SAMD14: variants seen among roughly 807,000 people sequenced by gnomAD.
SAMD14 encodes sterile alpha motif domain containing 14.
In SAMD14, 27 loss-of-function variants were observed where a neutral mutation model predicts 46.2. The observed-to-expected ratio is 0.58, with a 90% CI of 0.43 to 0.81. SAMD14 has a LOEUF of 0.81. Among genes scored for constraint, SAMD14 ranks in the 30% least tolerant of loss-of-function variants. The probability of loss-of-function intolerance (pLI) is 0.00; values close to 1 mark genes in which losing one functional copy is unlikely to be tolerated. For missense variants in SAMD14, 559 were observed against 582.2 expected (o/e 0.96, Z 0.41); for synonymous variants, 241 against 254.3 (o/e 0.95, Z 0.50).
chr17:50,130,013 G>A lies in SAMD14; in HGVS notation c.-509C>T, dbSNP rs1179981804. The A allele has an allele frequency of 6.6e-6, 1 of 151,858 alleles. No homozygotes were observed. The highest frequency in any genetic ancestry group is 1.5e-5 in the Non-Finnish European group (1 of 67,908). The allele number at this position is 151,858 out of a possible 1,614,324, so 9.4% of individuals were successfully genotyped here. A position where few individuals can be genotyped will look rare whatever the true frequency, so the allele number is the denominator to read the frequency against. ...CTCCGGGGAAGGGGCGTCGGGGTGG[G>A]GGGCGCGTGGCGGAGAAGCCGGGCG... On this transcript the variant is annotated 5_prime_UTR_variant, in exon 1 of 10. Transcript: ENST00000330175. This position sits in a 1 kb window ranked among gnomAD's most constrained non-coding sequence, Gnocchi z 4.1.
chr17:50,114,306 C>T lies in SAMD14; in HGVS notation c.823G>A (p.Glu275Lys), dbSNP rs748701086. 19 of 1,613,888 alleles carry T rather than the reference C, an allele frequency of 1.2e-5. No individual in the cohort carries two copies. Among genetic ancestry groups the T allele is most frequent in the Admixed American group, 8.3e-5 (5 of 59,986 alleles). The change falls in exon 8 of 10, where the codon GAA becomes AAA. Residue 275 changes from glutamate (E) to lysine (K), a missense_variant and splice_region_variant. Transcript: ENST00000330175. ...GFSPKKSASQ[E>K]STLSDDSTPP... ...GTGGAGTCATCACTCAGAGTGGATT[C>T]CTAGACAGAAAAAGGTGCATGCCAC... is the stretch of plus-strand genomic sequence containing the variant.
At chr17:50,124,167 G>A (rs148635141) in intron 2 of SAMD14, 11 of 456,170 alleles carry the variant, frequency 2.4e-5, no homozygotes, top group African/African-American at 4.0e-5. Context: ...CCGGCTTTCC[G>A]CCCCAGTGCA....
chr17:50,118,019 G>A lies in SAMD14; in HGVS notation c.210+142C>T, dbSNP rs1911321464. 1.1e-5 allele frequency: 10 copies of A among 892,292 alleles called. No individual in the cohort carries two copies. The East Asian group carries it at 2.7e-4, about 24-fold the overall frequency. The allele number at this position is 892,292 out of a possible 1,614,324, so 55.3% of individuals were successfully genotyped here. On this transcript the variant is annotated intron_variant, in intron 3 of 9. Coordinates refer to ENST00000330175, the MANE Select transcript of SAMD14 (RefSeq NM_001257359.2). ...GGATTAAATGAGCCAGAAGTGAACT[G>A]CAGCTAACACTTGGCAGCATTACTA...
intron 1 of SAMD14, among the ~76,000 whole-genome samples, chr17:50,128,875 T>A (rs1409612070): frequency 6.6e-6 from 1 of 151,142 alleles, no homozygotes; most frequent in Non-Finnish European, 1.5e-5. Context: ...CCGCTCTAAG[T>A]GACGCCCGAG....
rs1911952113 is a variant in SAMD14 at position 50,129,816 on chromosome 17, G to GTGTGCA, written c.-313_-312insTGCACA. 1 of 151,840 alleles carries GTGTGCA rather than the reference G, an allele frequency of 6.6e-6. No individual in the cohort carries two copies. Among genetic ancestry groups the GTGTGCA allele is most frequent in the East Asian group, 1.9e-4 (1 of 5,206 alleles). The allele number at this position is 151,840 out of a possible 1,614,324, so 9.4% of individuals were successfully genotyped here. On this transcript the variant is annotated 5_prime_UTR_variant, in exon 1 of 10. In the 5' UTR this introduces an upstream ATG that the reference lacks. Coordinates refer to ENST00000330175, the MANE Select transcript of SAMD14 (RefSeq NM_001257359.2). This position sits in a 1 kb window ranked among gnomAD's most constrained non-coding sequence, Gnocchi z 5.6. ...GGGAGGATGCTCCGTGTGTGTGTGC[G>GTGTGCA]TGTGCGTGTGCGTGTGTGTGTGTGT... is the stretch of plus-strand genomic sequence containing the variant.
chr17:50,127,610 A>T (rs1404245292), intron 1 of SAMD14, among the ~76,000 whole-genome samples: 1 of 151,972 alleles, frequency 6.6e-6, no homozygotes, highest in African/African-American at 2.4e-5. Context: ...TCAAAAAAAA[A>T]AACAAAAAAC....
intron 1 of SAMD14, among the ~76,000 whole-genome samples, chr17:50,126,179 C>T (rs774986635): frequency 2.6e-5 from 4 of 152,188 alleles, no homozygotes; most frequent in Non-Finnish European, 4.4e-5. Context: ...TGGCAAGGCA[C>T]TGAGCTAGAT....
chr17:50,110,125 G>A lies in SAMD14; in HGVS notation c.*2768C>T, dbSNP rs1598217357. The A allele has an allele frequency of 3.2e-6, 5 of 1,563,662 alleles. No homozygotes were observed. Among genetic ancestry groups the A allele is most frequent in the East Asian group, 2.3e-5 (1 of 43,392 alleles). On this transcript the variant is annotated 3_prime_UTR_variant, in exon 10 of 10. Transcript: ENST00000330175. ...GCCGCCGTGCATCTGCACCTGAGAG[G>A]ACGGACTGCCGCCTCTGGGTCCCCC...
intron 1 of SAMD14, among the ~76,000 whole-genome samples, chr17:50,127,721 C>T (rs561783537): frequency 6.6e-6 from 1 of 152,288 alleles, no homozygotes; most frequent in East Asian, 1.9e-4. Context: ...ACCCTCCTGC[C>T]ATTCTTGAAC....
chr17:50,115,793 C>CACA lies in SAMD14; in HGVS notation c.662+36_662+37insTGT. ...ACCAGAGCACATGGGGAGCCAGGGG[C>CACA]GGGAGCTGTGGGTGGGCCGCCATGG... On this transcript the variant is annotated intron_variant, in intron 6 of 9. Coordinates refer to ENST00000330175, the MANE Select transcript of SAMD14 (RefSeq NM_001257359.2). The surrounding 1 kb of genome is among the most constrained non-coding windows in gnomAD (Gnocchi z 5.3). 1.2e-6 allele frequency: 2 copies of CACA among 1,612,668 alleles called. No homozygotes were observed. The highest frequency in any genetic ancestry group is 2.2e-5 in the South Asian group (2 of 91,068).
At chr17:50,123,386 G>A (rs1911594045) in intron 2 of SAMD14, 1 of 152,284 alleles carries the variant, frequency 6.6e-6, no homozygotes, top group Non-Finnish European at 1.5e-5. Context: ...GACAGAGGGA[G>A]TTAAGGAGAG....
At chr17:50,117,306 T>A in intron 4 of SAMD14, 101 bp downstream of exon 4, 1 of 1,155,168 alleles carries the variant, frequency 8.7e-7, no homozygotes, top group Non-Finnish European at 1.1e-6. Flanking sequence ...CCAGCCACCC[T>A]GCTCAGCTGC....
At position 50,113,944 on chromosome 17, in the gene SAMD14, G is replaced by A. The variant is rs1202194068; in HGVS notation, c.1078C>T (p.Leu360=). Residue 360 remains leucine, a synonymous_variant, in exon 9 of 10, where the codon CTG becomes TTG. Coordinates refer to ENST00000330175, the MANE Select transcript of SAMD14 (RefSeq NM_001257359.2). Reference sequence around the variant, plus strand: ...CCCACCTTTAGTTTGCTTCCGTCCAGCTGCAGCAGCTGCGGCCCGTCTACC... The same window carrying A: ...CCCACCTTTAGTTTGCTTCCGTCCAACTGCAGCAGCTGCGGCCCGTCTACC... ...RQVDGPQLLQ[L]DGSKLKSLGL... 6.2e-7 allele frequency: 1 copy of A among 1,613,712 alleles called. No individual in the cohort carries two copies. The highest frequency in any genetic ancestry group is 1.3e-5 in the African/African-American group (1 of 74,902).
rs185775601 is a variant in SAMD14 at position 50,124,301 on chromosome 17, G to A, written c.43+616C>T. The A allele has an allele frequency of 3.5e-5, 14 of 396,210 alleles. 1 individual carries two copies. Among genetic ancestry groups the A allele is most frequent in the East Asian group, 7.3e-5 (1 of 13,620 alleles). 24.5% of individuals were successfully genotyped at this position (396,210 alleles called of 1,614,324 possible). ...CCCAGTGTGTACTGAGGACGTGGGC[G>A]TGCAGGCCAGCATGAGGGGGCCAGC... is the stretch of plus-strand genomic sequence containing the variant. On this transcript the variant is annotated intron_variant, in intron 2 of 9. Coordinates refer to ENST00000330175, the MANE Select transcript of SAMD14 (RefSeq NM_001257359.2).
At position 50,110,056 on chromosome 17, in the gene SAMD14, A is replaced by AG. The variant is rs772818475; in HGVS notation, c.*2836dup. ...GGAGGCCGGCGACTGGTGTGTGCCC[A>AG]GCACGGAGCCCAAGAACACGTCCAC... On this transcript the variant is annotated 3_prime_UTR_variant, in exon 10 of 10. Coordinates refer to ENST00000330175, the MANE Select transcript of SAMD14 (RefSeq NM_001257359.2). The AG allele has an allele frequency of 6.2e-7, 1 of 1,611,046 alleles. No individual in the cohort carries two copies. The highest frequency in any genetic ancestry group is 8.5e-7 in the Non-Finnish European group (1 of 1,178,850).
At chr17:50,114,345 C>T (rs368292780) in intron 7 of SAMD14, 39 bp from the exon 8 acceptor site, 2 of 1,613,902 alleles carry the variant, frequency 1.2e-6, no homozygotes, top group African/African-American at 1.3e-5. Context: ...GGAGAGTTCA[C>T]CCCCAACCCA....
chr17:50,127,299 A>G (rs1911824312), intron 1 of SAMD14, among the ~76,000 whole-genome samples: 1 of 151,906 alleles, frequency 6.6e-6, no homozygotes. Context: ...CAGGACTGGG[A>G]GAAGCATCAA....
chr17:50,116,049 T>C lies in SAMD14; in HGVS notation c.541A>G (p.Thr181Ala), dbSNP rs1911183254. 1.9e-6 allele frequency: 3 copies of C among 1,613,772 alleles called. No individual in the cohort carries two copies. Among genetic ancestry groups the C allele is most frequent in the Non-Finnish European group, 2.5e-6 (3 of 1,179,926 alleles). ...CGAGTCTTCTTATCGAGGCCGATGG[T>C]GGGGCTGGCGGGCTCAGGAGGACTG... ...DASPPEPASPTIGLDKKTRRK... is the reference protein window; with the variant it reads ...DASPPEPASPAIGLDKKTRRK... Residue 181 changes from threonine to alanine, a missense_variant, in exon 5 of 10, where the codon ACC becomes GCC. Thr to Ala is a moderately conservative substitution (Grantham distance 58). Transcript: ENST00000330175.
intron 2 of SAMD14, among the ~76,000 whole-genome samples, chr17:50,123,882 C>G (rs1484430963): frequency 2.0e-5 from 3 of 152,096 alleles, no homozygotes; most frequent in African/African-American, 7.2e-5. Context: ...TTCCGTCAGG[C>G]CTGGGCTTAA....
Sources: gnomAD v4.1 joint callset for allele counts (sites outside exome capture counted in the v4.1 genomes callset) on GRCh38, gnomAD v4.1.1 for gene constraint, Gnocchi (gnomAD v3.1) non-coding constraint, MANE v1.5 for transcripts, NCBI Gene and HGNC (gene_info 2026-07-23, HGNC 2026-07-21) for gene names.